The following LRP12 variants were observed in gnomAD, a reference collection of about 807,000 sequenced individuals.
LRP12 encodes the protein LDL receptor related protein 12, also known as low-density lipoprotein receptor-related protein 12.
A neutral mutation model predicts 66.0 loss-of-function variants in LRP12; 14 were observed. The observed-to-expected ratio is 0.21, with a 90% CI of 0.14 to 0.33. The LOEUF (loss-of-function observed/expected upper bound fraction) is 0.33, where lower values mean the gene tolerates loss of function less well. Among genes scored for constraint, LRP12 ranks in the 10% least tolerant of loss-of-function variants. The probability of loss-of-function intolerance (pLI) is 1.00; values close to 1 mark genes in which losing one functional copy is unlikely to be tolerated. For synonymous variants in LRP12, 357 were observed against 359.1 expected, an observed-to-expected ratio of 0.99 and a Z score of 0.07; for missense variants, 889 against 1,053.4, an observed-to-expected ratio of 0.84 and a Z score of 2.16.
chr8:104,500,759 T>C (rs1810817119), intron 3 of LRP12, among the ~76,000 whole-genome samples: 2 of 152,112 alleles, frequency 1.3e-5, no homozygotes, highest in African/African-American at 4.8e-5. Context: ...CATGTACGTA[T>C]CTCTCTTACA....
intron 2 of LRP12, among the ~76,000 whole-genome samples, chr8:104,517,715 A>AGT (rs1178803190): frequency 2.0e-5 from 3 of 152,078 alleles, no homozygotes; most frequent in African/African-American, 7.2e-5. Flanking sequence ...TACTGTATAG[A>AGT]GTGTATTATA....
rs1811237402 is a variant in LRP12 at position 104,526,301 on chromosome 8, T to A, written c.136+5606A>T. On this transcript the variant is annotated intron_variant, in intron 2 of 6. Coordinates refer to ENST00000276654, the MANE Select transcript of LRP12 (RefSeq NM_013437.5). ...AATGCCATCCCCATCAAGCTACCAA[T>A]GACTTCCTTCACAGAATTGGAAAAA... is the stretch of plus-strand genomic sequence containing the variant. Among the ~76,000 whole-genome samples, 7 of 152,204 alleles carry A rather than the reference T, an allele frequency of 4.6e-5. No homozygotes were observed. In the South Asian group the frequency reaches 1.5e-3, roughly 32 times the overall value.
intron 2 of LRP12, among the ~76,000 whole-genome samples, chr8:104,513,109 T>C (rs957969557): frequency 2.0e-5 from 3 of 152,110 alleles, no homozygotes; most frequent in Non-Finnish European, 4.4e-5. Flanking sequence ...TGTAGACAAA[T>C]ATGCTGTAGC....
chr8:104,499,522 G>GAA lies in LRP12; in HGVS notation c.273-5_273-4dup. 1.9e-6 allele frequency: 3 copies of GAA among 1,538,972 alleles called. No individual in the cohort carries two copies. Among genetic ancestry groups the GAA allele is most frequent in the Non-Finnish European group, 2.6e-6 (3 of 1,143,898 alleles). On this transcript the variant is annotated splice_polypyrimidine_tract_variant and splice_region_variant and intron_variant, in intron 3 of 6. Transcript: ENST00000276654. ...CTTGAATATCAAAATCCTGAAAACT[G>GAA]AAAAAAAAATCAGAAATGTCTATTA...
At chr8:104,498,159 T>G in intron 4 of LRP12, 83 bp from the exon 5 acceptor site, 1 of 1,300,290 alleles carries the variant, frequency 7.7e-7, no homozygotes. Flanking sequence ...CAAGTGATAT[T>G]TTTATAATAA....
At chr8:104,531,396 TAA>T (rs545877677) in intron 2 of LRP12, among the ~76,000 whole-genome samples, 1,573 of 152,164 alleles carry the variant, frequency 0.01, 45 homozygotes, top group Non-Finnish European at 7.2e-3. Context: ...TAGATGAGTA[TAA>T]AAAATACATT....
intron 1 of LRP12, among the ~76,000 whole-genome samples, chr8:104,551,541 C>T (rs1043899255): frequency 6.6e-6 from 1 of 152,090 alleles, no homozygotes; most frequent in African/African-American, 2.4e-5. Flanking sequence ...TAGTAGTCCC[C>T]AGTGTCTACT....
chr8:104,497,586 C>T lies in LRP12; in HGVS notation c.966G>A (p.Glu322=), dbSNP rs748962996. ...CACGCAAAAGCTTGTGTGGATTCTC[C>T]TCTAATCCATCATATATTTTGACAT... ...GDYVKIYDGL[E]ENPHKLLRVL... The change falls in exon 5 of 7, where the codon GAG becomes GAA. Residue 322 remains glutamate (E), a synonymous_variant. Transcript: ENST00000276654. This position sits in a 1 kb window ranked among gnomAD's most constrained non-coding sequence, Gnocchi z 4.3. The T allele has an allele frequency of 6.2e-7, 1 of 1,613,686 alleles. No individual in the cohort carries two copies. Among genetic ancestry groups the T allele is most frequent in the African/African-American group, 1.3e-5 (1 of 75,026 alleles).
chr8:104,523,628 C>T (rs1394837222), intron 2 of LRP12, among the ~76,000 whole-genome samples: 1 of 152,104 alleles, frequency 6.6e-6, no homozygotes, highest in African/African-American at 2.4e-5. Context: ...TCTGGTGGTT[C>T]TCGTGTATTT....
intron 4 of LRP12, among the ~76,000 whole-genome samples, chr8:104,498,505 G>A (rs939984687): frequency 6.6e-6 from 1 of 152,090 alleles, no homozygotes; most frequent in Non-Finnish European, 1.5e-5. Context: ...TTTTGCTGAG[G>A]ATAATGGCTT....
intron 1 of LRP12, among the ~76,000 whole-genome samples, chr8:104,582,049 A>G (rs1430411751): frequency 1.3e-5 from 2 of 152,358 alleles, no homozygotes; most frequent in African/African-American, 2.4e-5. Context: ...AAGTCAGATT[A>G]TGAAAGGTTT....
At chr8:104,492,964 AT>A (rs1810661054) in intron 6 of LRP12, among the ~76,000 whole-genome samples, 1 of 152,146 alleles carries the variant, frequency 6.6e-6, no homozygotes, top group South Asian at 2.1e-4. Flanking sequence ...CTATGCTATT[AT>A]GTCCAGCAAT....
intron 3 of LRP12, chr8:104,506,859 T>C (rs1392661638): frequency 2.0e-5 from 3 of 152,206 alleles, no homozygotes; most frequent in Non-Finnish European, 4.4e-5. Context: ...TTGTTTTTAC[T>C]CCGTAACTTT....
intron 1 of LRP12, among the ~76,000 whole-genome samples, chr8:104,534,931 A>G (rs889261528): frequency 2.0e-4 from 30 of 151,738 alleles, no homozygotes; most frequent in African/African-American, 7.0e-4. Context: ...ATATATGAAT[A>G]TGAACACCCA....
chr8:104,498,912 C>T (rs748637910), intron 4 of LRP12, among the ~76,000 whole-genome samples: 3 of 152,048 alleles, frequency 2.0e-5, no homozygotes, highest in African/African-American at 7.2e-5. Context: ...GAAAAGATGT[C>T]GTTTTTTCTG....
intron 3 of LRP12, chr8:104,508,093 T>C (rs1446337623): frequency 6.6e-6 from 1 of 152,218 alleles, no homozygotes; most frequent in Non-Finnish European, 1.5e-5. Context: ...GCCTTTGTGC[T>C]ACACTGTCTC....
intron 1 of LRP12, among the ~76,000 whole-genome samples, chr8:104,581,800 T>C (rs1222623790): frequency 6.6e-6 from 1 of 152,132 alleles, no homozygotes; most frequent in Non-Finnish European, 1.5e-5. Flanking sequence ...GACATGAACC[T>C]TAGGCAAAAC....
chr8:104,531,861 C>A, intron 2 of LRP12, 46 bp downstream of exon 2: 1 of 1,272,644 alleles, frequency 7.9e-7, no homozygotes, highest in South Asian at 1.3e-5. Flanking sequence ...CAATATTTAC[C>A]ATATAAGTCA....
intron 1 of LRP12, among the ~76,000 whole-genome samples, chr8:104,577,985 A>G (rs922868120): frequency 6.6e-6 from 1 of 152,098 alleles, no homozygotes; most frequent in Non-Finnish European, 1.5e-5. Flanking sequence ...ATCACAACTA[A>G]AAGAACTAGA....
Sources: allele counts gnomAD v4.1 joint callset (sites outside exome capture counted in the v4.1 genomes callset), GRCh38; gene constraint gnomAD v4.1.1; non-coding constraint Gnocchi (gnomAD v3.1); transcripts MANE v1.5; gene names NCBI Gene and HGNC (gene_info 2026-07-23, HGNC 2026-07-21).